MTUS2: variants seen among roughly 807,000 people sequenced by gnomAD.
MTUS2 encodes microtubule-associated tumor suppressor candidate 2.
Under a neutral mutation model 114.1 loss-of-function variants are expected in MTUS2, and 40 were observed. The observed-to-expected ratio is 0.35, with a 90% CI of 0.27 to 0.46. The LOEUF (loss-of-function observed/expected upper bound fraction) is 0.46. Ranked by LOEUF, MTUS2 falls within the 20% of genes least tolerant of loss-of-function variation. The pLI is 1.00. For synonymous variants in MTUS2, 688 were observed against 672.0 expected (o/e 1.02, Z -0.37); for missense variants, 1,679 against 1,705.4 (o/e 0.98, Z 0.27).
chr13:29,155,499 C>T (rs377305926), intron 5 of MTUS2, among the ~76,000 whole-genome samples: 1 of 152,166 alleles, frequency 6.6e-6, no homozygotes, highest in South Asian at 2.1e-4. Flanking sequence ...AGAAGCCATG[C>T]CCTCATGGGA....
At chr13:29,479,069 C>T (rs1880948736) in intron 9 of MTUS2, among the ~76,000 whole-genome samples, 1 of 152,212 alleles carries the variant, frequency 6.6e-6, no homozygotes, top group Non-Finnish European at 1.5e-5. Context: ...ATCTAGCAAC[C>T]TTGGATGCAT....
At chr13:28,925,858 G>A (rs1881300903) in intron 2 of MTUS2, among the ~76,000 whole-genome samples, 1 of 152,196 alleles carries the variant, frequency 6.6e-6, no homozygotes, top group African/African-American at 2.4e-5. Context: ...GTGGATGGTT[G>A]CTCTTATTAT....
At chr13:29,283,127 G>A (rs1898341826) in intron 6 of MTUS2, among the ~76,000 whole-genome samples, 1 of 152,184 alleles carries the variant, frequency 6.6e-6, no homozygotes, top group Admixed American at 6.5e-5. Context: ...AGGAATAGGT[G>A]TTATCCCTTT....
chr13:29,212,254 G>A (rs1389799935), intron 5 of MTUS2, among the ~76,000 whole-genome samples: 1 of 152,110 alleles, frequency 6.6e-6, no homozygotes, highest in Non-Finnish European at 1.5e-5. Flanking sequence ...ACCTCTCAGG[G>A]ATCTTTCTGG....
chr13:29,327,531 C>T (rs1900576739), intron 7 of MTUS2, among the ~76,000 whole-genome samples: 1 of 152,202 alleles, frequency 6.6e-6, no homozygotes, highest in Non-Finnish European at 1.5e-5. Flanking sequence ...CTTCTTTCAA[C>T]ATAATTTAGA....
At chr13:29,402,016 T>C (rs888017495) in intron 8 of MTUS2, among the ~76,000 whole-genome samples, 7 of 152,058 alleles carry the variant, frequency 4.6e-5, no homozygotes, top group Non-Finnish European at 8.8e-5. Context: ...ACTTGAGTTG[T>C]GTGTGTGTGT....
intron 9 of MTUS2, among the ~76,000 whole-genome samples, chr13:29,459,912 C>T (rs1879365565): frequency 6.6e-6 from 1 of 152,128 alleles, no homozygotes; most frequent in Non-Finnish European, 1.5e-5. Context: ...ACTGTTCTGT[C>T]CCTCTCTTCA....
chr13:29,281,840 G>A lies in MTUS2; in HGVS notation c.2781G>A (p.Ala927=), dbSNP rs183125172. 3,010 of 1,603,224 alleles carry A rather than the reference G, an allele frequency of 1.9e-3. 11 individuals carry two copies. The highest frequency in any genetic ancestry group is 1.9e-3 in the Admixed American group (111 of 58,860). ...VTAPRRSLLP[A]PKSTSTPAGT... ...CACCCCGCAGGAGTTTACTTCCAGC[G>A]CCAAAATCCACTTCCACACCCGCTG... The change falls in exon 6 of 16, where the codon GCG becomes GCA. Residue 927 remains alanine, a synonymous_variant. Coordinates refer to ENST00000612955, the MANE Select transcript of MTUS2 (RefSeq NM_001033602.4).
intron 2 of MTUS2, among the ~76,000 whole-genome samples, chr13:28,866,052 G>C (rs1031885307): frequency 2.0e-5 from 3 of 152,124 alleles, no homozygotes; most frequent in Non-Finnish European, 4.4e-5. Flanking sequence ...TCATACTTGG[G>C]GGAGGGCTGT....
intron 2 of MTUS2, among the ~76,000 whole-genome samples, chr13:28,939,360 G>A (rs1337223427): frequency 6.6e-6 from 1 of 152,114 alleles, no homozygotes; most frequent in African/African-American, 2.4e-5. Context: ...GAAATAAAAG[G>A]CTAAATACTC....
At chr13:29,450,779 A>G (rs1252814449) in intron 9 of MTUS2, among the ~76,000 whole-genome samples, 2 of 152,212 alleles carry the variant, frequency 1.3e-5, no homozygotes, top group African/African-American at 2.4e-5. Context: ...ATCAAAAGAA[A>G]ATTGGAATGT....
intron 5 of MTUS2, among the ~76,000 whole-genome samples, chr13:29,166,945 T>C (rs1393842755): frequency 6.6e-6 from 1 of 152,244 alleles, no homozygotes; most frequent in Non-Finnish European, 1.5e-5. Context: ...TAATGTAGTA[T>C]CTGTGGCTGT....
rs186932502 is a variant in MTUS2, at chr13:29,218,155, A to C, written c.2645-63549A>C. On this transcript the variant is annotated intron_variant, in intron 5 of 15. Transcript: ENST00000612955. Reference sequence around the variant, plus strand: ...CAAACCAAAACAAAACAAAACAAAAAAAAAACACCTAAAAACCCCAGTGTT... The same window carrying C: ...CAAACCAAAACAAAACAAAACAAAACAAAAACACCTAAAAACCCCAGTGTT... Among the ~76,000 whole-genome samples the C allele has an allele frequency of 2.3e-3, 348 of 151,224 alleles. 1 individual carries two copies. The highest frequency in any genetic ancestry group is 3.7e-3 in the Non-Finnish European group (252 of 68,006).
At chr13:28,888,741 A>G (rs1195708010) in intron 2 of MTUS2, among the ~76,000 whole-genome samples, 2 of 152,164 alleles carry the variant, frequency 1.3e-5, no homozygotes, top group Non-Finnish European at 2.9e-5. Context: ...ATCTTAATCA[A>G]GGGATGCTGT....
At chr13:29,443,921 AGGAAGAAG>A (rs1035097968) in intron 9 of MTUS2, among the ~76,000 whole-genome samples, 1 of 152,184 alleles carries the variant, frequency 6.6e-6, no homozygotes, top group African/African-American at 2.4e-5. Flanking sequence ...AATTCAGACA[AGGAAGAAG>A]GGAAGAAGGT....
In MTUS2 at chr13:28,967,521, G is replaced by A. The variant is rs970532732; in HGVS notation, c.-242-56936G>A. Among the ~76,000 whole-genome samples, 12 of 152,192 alleles carry A rather than the reference G, an allele frequency of 7.9e-5. 1 individual carries two copies. The highest frequency in any genetic ancestry group is 6.5e-4 in the Admixed American group (10 of 15,280). ...CAGAGAACGTGCTGTAGGAACTAAA[G>A]CATCTGTGCTGTTATTGTCATCATC... On this transcript the variant is annotated intron_variant, in intron 2 of 15. Coordinates refer to ENST00000612955, the MANE Select transcript of MTUS2 (RefSeq NM_001033602.4).
At chr13:29,334,008 A>C (rs1332270072) in intron 7 of MTUS2, among the ~76,000 whole-genome samples, 1 of 150,976 alleles carries the variant, frequency 6.6e-6, no homozygotes, top group African/African-American at 2.4e-5. Context: ...TAGGATTGCA[A>C]CCCCTGTTTT....
At chr13:29,235,198 G>A (rs905334028) in intron 5 of MTUS2, among the ~76,000 whole-genome samples, 25 of 152,210 alleles carry the variant, frequency 1.6e-4, no homozygotes, top group African/African-American at 6.0e-4. Context: ...CTGGGTTCAA[G>A]CAGTTCTTCT....
chr13:28,961,591 A>G (rs573490666), intron 2 of MTUS2, among the ~76,000 whole-genome samples: 102 of 152,298 alleles, frequency 6.7e-4, no homozygotes, highest in African/African-American at 2.4e-3. Flanking sequence ...ATAAAATTTA[A>G]TTATTGATAA....
Sources: allele counts gnomAD v4.1 joint callset (sites outside exome capture counted in the v4.1 genomes callset), GRCh38; gene constraint gnomAD v4.1.1; transcripts MANE v1.5; gene names NCBI Gene and HGNC (gene_info 2026-07-23, HGNC 2026-07-21).